The following DPYD variants were observed in gnomAD, a reference collection of about 807,000 sequenced individuals.
The protein encoded by DPYD is dihydropyrimidine dehydrogenase [NADP(+)].
A neutral mutation model predicts 116.2 loss-of-function variants in DPYD; 109 were observed. That is an observed-to-expected ratio of 0.94 (90% CI 0.80 to 1.10). The LOEUF (loss-of-function observed/expected upper bound fraction) is 1.10. Among genes scored for constraint, DPYD ranks in the 50% least tolerant of loss-of-function variants. DPYD has a pLI of 0.00. For synonymous variants in DPYD, 440 were observed against 432.0 expected, an observed-to-expected ratio of 1.02 and a Z score of -0.23; for missense variants, 1,302 against 1,254.5, an observed-to-expected ratio of 1.04 and a Z score of -0.57.
chr1:97,272,979 C>G (rs1400981073), intron 18 of DPYD, among the ~76,000 whole-genome samples: 1 of 151,998 alleles, frequency 6.6e-6, no homozygotes, highest in East Asian at 1.9e-4. Context: ...CACATTTAAG[C>G]TGAAGTCAAT....
At chr1:97,323,536 A>C (rs1668501753) in intron 16 of DPYD, among the ~76,000 whole-genome samples, 1 of 132,656 alleles carries the variant, frequency 7.5e-6, no homozygotes, top group African/African-American at 2.7e-5. Flanking sequence ...ATATATATAC[A>C]TATCATATAT....
At chr1:97,137,093 T>C (rs1653865347) in intron 20 of DPYD, among the ~76,000 whole-genome samples, 1 of 152,214 alleles carries the variant, frequency 6.6e-6, no homozygotes, top group Non-Finnish European at 1.5e-5. Context: ...ACCAGGTTTA[T>C]TGTTCATCGG....
chr1:97,821,524 T>C (rs74108407), intron 3 of DPYD, among the ~76,000 whole-genome samples: 3,762 of 152,164 alleles, frequency 0.025, 169 homozygotes, highest in African/African-American at 0.087. Context: ...TTGAGAATTT[T>C]ACCTCTAAAT....
intron 3 of DPYD, among the ~76,000 whole-genome samples, chr1:97,814,896 CCT>C (rs1668500039): frequency 1.2e-5 from 1 of 86,368 alleles, no homozygotes; most frequent in South Asian, 4.3e-4. Flanking sequence ...AGAGTGAGAC[CCT>C]GTCTCAAAAA....
intron 20 of DPYD, among the ~76,000 whole-genome samples, chr1:97,101,405 C>G (rs2101601782): frequency 7.2e-6 from 1 of 138,392 alleles, no homozygotes. Context: ...TCTCCCGCAA[C>G]AAAGGATCAA....
In DPYD at chr1:97,793,934, GGTTTGTTT is replaced by G. The variant is rs557897367; in HGVS notation, c.233+34172_233+34179del. ...GGTTGTTGTGTTTGTTTGTTTGTTTGGTTTGTTTGTTTGTTTGTTTGAGACAGGGTGTC... is the reference window on the plus strand; with the variant it reads ...GGTTGTTGTGTTTGTTTGTTTGTTTGGTTTGTTTGTTTGAGACAGGGTGTC... On this transcript the variant is annotated intron_variant, in intron 3 of 22. Transcript: ENST00000370192. Among the ~76,000 whole-genome samples the G allele has an allele frequency of 4.6e-5, 7 of 151,910 alleles. No homozygotes were observed. In the East Asian group the frequency reaches 1.4e-3, roughly 30 times the overall value.
At chr1:97,236,274 CT>C (rs1201168827) in intron 18 of DPYD, among the ~76,000 whole-genome samples, 2 of 152,076 alleles carry the variant, frequency 1.3e-5, no homozygotes, top group Non-Finnish European at 2.9e-5. Flanking sequence ...GTGGTGAGTT[CT>C]TTGTCATCAC....
chr1:97,414,220 T>C (rs1674167516), intron 14 of DPYD, among the ~76,000 whole-genome samples: 1 of 152,202 alleles, frequency 6.6e-6, no homozygotes. Context: ...AATTTTTGTC[T>C]AGTCTAGGAA....
At chr1:97,563,989 C>A (rs1384634264) in intron 11 of DPYD, among the ~76,000 whole-genome samples, 2 of 152,166 alleles carry the variant, frequency 1.3e-5, no homozygotes, top group Non-Finnish European at 2.9e-5. Flanking sequence ...AGCAAAAATA[C>A]TTCTGATAAT....
intron 11 of DPYD, among the ~76,000 whole-genome samples, chr1:97,551,989 T>C (rs1651357995): frequency 1.3e-5 from 2 of 151,874 alleles, no homozygotes; most frequent in African/African-American, 4.8e-5. Flanking sequence ...GTAGATTATA[T>C]GCAAATAATA....
At chr1:97,235,093 G>T in intron 18 of DPYD, 99 bp from the exon 19 acceptor site, 1 of 1,425,082 alleles carries the variant, frequency 7.0e-7, no homozygotes, top group Non-Finnish European at 9.8e-7. Context: ...AGCGTCACTG[G>T]ACAAATTTCA....
At position 97,078,826 on chromosome 1, in the gene DPYD, C is replaced by T; in HGVS notation, c.*150G>A. 1 of 923,050 alleles carries T rather than the reference C, an allele frequency of 1.1e-6. No individual in the cohort carries two copies. The highest frequency in any genetic ancestry group is 1.7e-6 in the Non-Finnish European group (1 of 600,258). The allele number at this position is 923,050 out of a possible 1,614,324, so 57.2% of individuals were successfully genotyped here. A position where few individuals can be genotyped will look rare whatever the true frequency, so the allele number is the denominator to read the frequency against. On this transcript the variant is annotated 3_prime_UTR_variant, in exon 23 of 23. Transcript: ENST00000370192. ...TCATTGACATGAGACATTTTTTACACTTACAAATGTATTTTGAAATTACAT... is the reference window on the plus strand; with the variant it reads ...TCATTGACATGAGACATTTTTTACATTTACAAATGTATTTTGAAATTACAT...
At chr1:97,827,062 A>G (rs1476178006) in intron 3 of DPYD, among the ~76,000 whole-genome samples, 2 of 152,080 alleles carry the variant, frequency 1.3e-5, no homozygotes, top group Non-Finnish European at 2.9e-5. Context: ...ATTAAATTTA[A>G]TTACTTTCTC....
chr1:97,311,941 T>C (rs369442096), intron 16 of DPYD, among the ~76,000 whole-genome samples: 1 of 151,398 alleles, frequency 6.6e-6, no homozygotes, highest in East Asian at 2.0e-4. Context: ...AGAGTAGGGA[T>C]GGTGTTAAAG....
chr1:97,369,966 T>C lies in DPYD; in HGVS notation c.2058+3595A>G, dbSNP rs572172385. Among the ~76,000 whole-genome samples, 204 of 152,340 alleles carry C rather than the reference T, an allele frequency of 1.3e-3. 1 individual carries two copies. In the Middle Eastern group the frequency reaches 0.02, roughly 15 times the overall value. On this transcript the variant is annotated intron_variant, in intron 16 of 22. Coordinates refer to ENST00000370192, the MANE Select transcript of DPYD (RefSeq NM_000110.4). ...AGTAAAATACTGCCTTAATGCAGGC[T>C]AAAGAAATGTTAGTGTTTTTAAAAA...
intron 13 of DPYD, among the ~76,000 whole-genome samples, chr1:97,471,220 A>G (rs1216071530): frequency 6.6e-6 from 1 of 152,096 alleles, no homozygotes; most frequent in Non-Finnish European, 1.5e-5. Flanking sequence ...TTCATATTTC[A>G]TTGTCTTTAA....
chr1:97,233,982 G>A (rs1440750274), intron 19 of DPYD, among the ~76,000 whole-genome samples: 1 of 152,146 alleles, frequency 6.6e-6, no homozygotes, highest in East Asian at 1.9e-4. Context: ...TGATTGTCAA[G>A]TTAGCAACAT....
At chr1:97,663,660 A>G (rs947842674) in intron 8 of DPYD, among the ~76,000 whole-genome samples, 4 of 152,210 alleles carry the variant, frequency 2.6e-5, no homozygotes, top group Non-Finnish European at 5.9e-5. Context: ...CATTTTCCAC[A>G]GCACAAAGTA....
intron 20 of DPYD, among the ~76,000 whole-genome samples, chr1:97,177,128 C>A (rs80317731): frequency 3.9e-5 from 6 of 151,994 alleles, no homozygotes; most frequent in African/African-American, 1.4e-4. Context: ...ACTGTTTAAG[C>A]GTTCTATTTC....
Sources: gnomAD v4.1 joint callset for allele counts (sites outside exome capture counted in the v4.1 genomes callset) on GRCh38, gnomAD v4.1.1 for gene constraint, MANE v1.5 for transcripts, NCBI Gene and HGNC (gene_info 2026-07-23, HGNC 2026-07-21) for gene names.